Variants in FNDC3A observed in about 807,000 individuals in gnomAD.
FNDC3A encodes the protein fibronectin type-III domain-containing protein 3A.
In FNDC3A, 32 loss-of-function variants were observed where a neutral mutation model predicts 148.9. That is an observed-to-expected ratio of 0.21 (90% CI 0.16 to 0.29). The LOEUF (loss-of-function observed/expected upper bound fraction) is 0.29, where lower values mean the gene tolerates loss of function less well. Ranked by LOEUF, FNDC3A falls within the 10% of genes least tolerant of loss-of-function variation. The pLI is 1.00. For synonymous variants in FNDC3A, 472 were observed against 473.6 expected (o/e 1.00, Z 0.04); for missense variants, 1,191 against 1,452.8 (o/e 0.82, Z 2.93).
intron 17 of FNDC3A, 34 bp downstream of exon 17, chr13:49,188,667 A>G (rs1291388016): frequency 2.0e-6 from 3 of 1,468,852 alleles, no homozygotes; most frequent in Non-Finnish European, 2.9e-6. Context: ...TTGTGTTGTT[A>G]TTAAGTTTGG....
At chr13:48,996,583 A>G (rs1952028145) in intron 1 of FNDC3A, among the ~76,000 whole-genome samples, 1 of 152,206 alleles carries the variant, frequency 6.6e-6, no homozygotes, top group Non-Finnish European at 1.5e-5. Flanking sequence ...TTATATGCAA[A>G]TACTACAACA....
At chr13:49,126,323 C>T (rs1362681292) in intron 4 of FNDC3A, among the ~76,000 whole-genome samples, 5 of 151,894 alleles carry the variant, frequency 3.3e-5, no homozygotes, top group African/African-American at 1.2e-4. Context: ...ACCATCTTAA[C>T]CTTTTTTAAG....
chr13:49,047,989 G>A (rs912260141), intron 2 of FNDC3A, among the ~76,000 whole-genome samples: 3 of 152,176 alleles, frequency 2.0e-5, no homozygotes, highest in Non-Finnish European at 4.4e-5. Context: ...GAGAGATGAG[G>A]ATCCAGTTCC....
intron 4 of FNDC3A, among the ~76,000 whole-genome samples, chr13:49,120,667 C>CAA (rs1197034932): frequency 1.6e-4 from 15 of 95,200 alleles, no homozygotes; most frequent in African/African-American, 5.8e-4. Context: ...AAATGGAAAG[C>CAA]AAAAAAAAAA....
intron 7 of FNDC3A, among the ~76,000 whole-genome samples, chr13:49,142,785 C>G (rs1395304108): frequency 2.6e-5 from 4 of 152,172 alleles, no homozygotes; most frequent in Non-Finnish European, 5.9e-5. Flanking sequence ...ATTCAAAATT[C>G]ACTTATGAAG....
intron 2 of FNDC3A, among the ~76,000 whole-genome samples, chr13:49,026,029 G>C (rs1220536322): frequency 6.6e-6 from 1 of 152,190 alleles, no homozygotes; most frequent in Non-Finnish European, 1.5e-5. Flanking sequence ...ATGTTTACTA[G>C]TAGGGAAATG....
chr13:49,088,112 A>C (rs956454738), intron 3 of FNDC3A, among the ~76,000 whole-genome samples: 1 of 152,144 alleles, frequency 6.6e-6, no homozygotes, highest in East Asian at 1.9e-4. Context: ...GACCATTGCA[A>C]ATTTTTCTAA....
intron 3 of FNDC3A, among the ~76,000 whole-genome samples, chr13:49,112,386 C>G (rs1213839315): frequency 1.3e-5 from 2 of 152,146 alleles, no homozygotes; most frequent in Admixed American, 1.3e-4. Flanking sequence ...TCTCTTGAGT[C>G]TAGAATATAG....
At chr13:49,092,640 T>G (rs944108097) in intron 3 of FNDC3A, among the ~76,000 whole-genome samples, 1 of 152,104 alleles carries the variant, frequency 6.6e-6, no homozygotes, top group African/African-American at 2.4e-5. Flanking sequence ...TTGTTCCTTC[T>G]TATAAAAATC....
intron 12 of FNDC3A, among the ~76,000 whole-genome samples, chr13:49,175,099 G>C (rs1884959589): frequency 6.6e-6 from 1 of 152,028 alleles, no homozygotes. Context: ...GTTTCCATAA[G>C]GTAATGTGTA....
intron 3 of FNDC3A, chr13:49,110,185 G>C (rs1195168867): frequency 4.3e-6 from 2 of 461,466 alleles, no homozygotes; most frequent in Non-Finnish European, 7.6e-6. Flanking sequence ...TATCAGAAAT[G>C]CTGCAAGCGG....
intron 3 of FNDC3A, among the ~76,000 whole-genome samples, chr13:49,100,382 C>T (rs1879788420): frequency 6.6e-6 from 1 of 152,068 alleles, no homozygotes; most frequent in South Asian, 2.1e-4. Context: ...TCTGTTTCCT[C>T]CTTCTTCCTG....
intron 2 of FNDC3A, among the ~76,000 whole-genome samples, chr13:49,029,601 A>G (rs1593492287): frequency 1.3e-5 from 2 of 152,322 alleles, no homozygotes; most frequent in South Asian, 2.1e-4. Flanking sequence ...ACAGAAAAAT[A>G]TAGAAAATCA....
chr13:49,042,317 T>G (rs1875000107), intron 2 of FNDC3A, among the ~76,000 whole-genome samples: 1 of 152,216 alleles, frequency 6.6e-6, no homozygotes, highest in African/African-American at 2.4e-5. Flanking sequence ...TTATCTTTGA[T>G]TACTCTTTGT....
intron 2 of FNDC3A, chr13:49,046,191 A>G (rs1434804491): frequency 6.4e-6 from 1 of 155,380 alleles, no homozygotes; most frequent in African/African-American, 2.4e-5. Flanking sequence ...ATCTTCAACC[A>G]AAATTATGTT....
chr13:49,149,670 G>A (rs532420642), intron 8 of FNDC3A, among the ~76,000 whole-genome samples: 38 of 152,174 alleles, frequency 2.5e-4, no homozygotes, highest in Middle Eastern at 3.4e-3. Flanking sequence ...TGTTGTGTCC[G>A]TATCTGGTTT....
chr13:49,117,022 G>C (rs1881010038), intron 4 of FNDC3A, among the ~76,000 whole-genome samples: 1 of 152,080 alleles, frequency 6.6e-6, no homozygotes, highest in Admixed American at 6.6e-5. Context: ...GATTCATCAA[G>C]GGAGAATAGA....
At chr13:49,071,881 C>T (rs546748158) in intron 2 of FNDC3A, among the ~76,000 whole-genome samples, 1 of 152,000 alleles carries the variant, frequency 6.6e-6, no homozygotes, top group Non-Finnish European at 1.5e-5. Context: ...CTCACTATGT[C>T]GCCCAGGCTG....
At chr13:49,045,784 A>G (rs926974663) in intron 2 of FNDC3A, 1 of 417,288 alleles carries the variant, frequency 2.4e-6, no homozygotes, top group South Asian at 3.4e-5. Flanking sequence ...GATTTTAATG[A>G]CAGTCCTTTT....
Sources: gnomAD v4.1 joint callset for allele counts (sites outside exome capture counted in the v4.1 genomes callset) on GRCh38, gnomAD v4.1.1 for gene constraint, MANE v1.5 for transcripts, NCBI Gene and HGNC (gene_info 2026-07-23, HGNC 2026-07-21) for gene names.